LAMB4: variants seen among roughly 807,000 people sequenced by gnomAD.
LAMB4 encodes the protein laminin subunit beta 4.
A neutral mutation model predicts 199.2 loss-of-function variants in LAMB4; 196 were observed. The ratio of observed to expected loss-of-function variants is 0.98; its 90% CI spans 0.88 to 1.11. LAMB4 has a LOEUF of 1.11. Among genes scored for constraint, LAMB4 ranks in the 50% least tolerant of loss-of-function variants. The pLI is 0.00. For synonymous variants in LAMB4, 744 were observed against 770.6 expected (o/e 0.97, Z 0.57); for missense variants, 2,080 against 2,171.2 (o/e 0.96, Z 0.83).
intron 26 of LAMB4, among the ~76,000 whole-genome samples, chr7:108,049,979 C>T (rs764653561): frequency 1.4e-4 from 22 of 152,110 alleles, no homozygotes; most frequent in East Asian, 3.8e-4. Context: ...TTTACTTAAC[C>T]GTATAGAGCA....
At chr7:108,072,860 G>C (rs1335791333) in intron 17 of LAMB4, among the ~76,000 whole-genome samples, 1 of 152,194 alleles carries the variant, frequency 6.6e-6, no homozygotes, top group Non-Finnish European at 1.5e-5. Flanking sequence ...ACCAAGTGGG[G>C]AGAGATGAAA....
intron 12 of LAMB4, 32 bp downstream of exon 12, chr7:108,095,196 A>G (rs753175560): frequency 6.7e-7 from 1 of 1,493,620 alleles, no homozygotes; most frequent in East Asian, 2.3e-5. Context: ...CTGTATCACT[A>G]TAGAAAAGGG....
At chr7:108,092,460 T>C in intron 12 of LAMB4, 44 bp from the exon 13 acceptor site, 1 of 1,476,540 alleles carries the variant, frequency 6.8e-7, no homozygotes, top group Non-Finnish European at 9.5e-7. Context: ...ATGAAGATGC[T>C]GTTGCTCTGA....
downstream of LAMB4, among the ~76,000 whole-genome samples, chr7:108,020,052 G>T (rs149554126): frequency 6.6e-6 from 1 of 152,086 alleles, no homozygotes; most frequent in Non-Finnish European, 1.5e-5. Context: ...GGGTTCAAAC[G>T]TGGGCTCTCT....
intron 11 of LAMB4, among the ~76,000 whole-genome samples, chr7:108,097,384 T>C (rs1449868277): frequency 6.6e-6 from 1 of 152,208 alleles, no homozygotes; most frequent in Non-Finnish European, 1.5e-5. Context: ...TGTTTTTCTA[T>C]TTCCGCTCCC....
At chr7:108,079,335 C>T (rs914422248) in intron 15 of LAMB4, among the ~76,000 whole-genome samples, 1 of 152,182 alleles carries the variant, frequency 6.6e-6, no homozygotes, top group Admixed American at 6.5e-5. Flanking sequence ...TTTTCTTATA[C>T]AAACAGTCAC....
intron 28 of LAMB4, among the ~76,000 whole-genome samples, 191 bp from the exon 29 acceptor site, chr7:108,044,087 T>G (rs1195185487): frequency 6.6e-6 from 1 of 152,234 alleles, no homozygotes; most frequent in Non-Finnish European, 1.5e-5. Context: ...ATTATCATGT[T>G]TTCTTTAATT....
the LAMB4 span, among the ~76,000 whole-genome samples, chr7:108,016,336 T>C: frequency 1.5e-5 from 2 of 135,696 alleles, no homozygotes; most frequent in East Asian, 4.4e-4. Context: ...CAGGCTGGAG[T>C]GGAGTGCTGC....
In LAMB4 at chr7:108,024,153, C is replaced by CA; in HGVS notation, c.5171dup (p.Leu1724PhefsTer5). The stretch of plus-strand genomic sequence containing the variant: ...CAGCTTTTGCTTGTCTACTTAGATT[C>CA]AAATCTTGGATTTTCCTTTCTAAAT... On this transcript the variant is annotated frameshift_variant, in exon 34 of 34. Transcript: ENST00000388781. LOFTEE classifies it high-confidence loss of function. 1 of 1,570,430 alleles carries CA rather than the reference C, an allele frequency of 6.4e-7. No individual in the cohort carries two copies. Among genetic ancestry groups the CA allele is most frequent in the Non-Finnish European group, 8.7e-7 (1 of 1,154,522 alleles).
chr7:108,030,724 G>C, intron 32 of LAMB4, 82 bp downstream of exon 32: 1 of 1,322,198 alleles, frequency 7.6e-7, no homozygotes, highest in South Asian at 1.3e-5. Context: ...ATGAGAAATG[G>C]CACAAAAATC....
chr7:108,043,545 G>GTGTTTTTTTTTTTTTTTTTTTTT (rs2035496985), intron 29 of LAMB4, among the ~76,000 whole-genome samples: 2 of 56,002 alleles, frequency 3.6e-5, no homozygotes, highest in African/African-American at 2.9e-4. Flanking sequence ...TGGCTATGAT[G>GTGTTTTTTTTTTTTTTTTTTTTT]TTTTTTTTTT....
chr7:108,040,658 G>A (rs1450468942), intron 29 of LAMB4, among the ~76,000 whole-genome samples: 1 of 152,128 alleles, frequency 6.6e-6, no homozygotes, highest in South Asian at 2.1e-4. Context: ...CAAGAAATGG[G>A]GAAAAGACTC....
At chr7:108,055,523 A>T in intron 25 of LAMB4, 109 bp downstream of exon 25, 1 of 1,181,164 alleles carries the variant, frequency 8.5e-7, no homozygotes, top group Non-Finnish European at 1.2e-6. Flanking sequence ...TCAGTCCCCT[A>T]AAGTCAACAT....
intron 29 of LAMB4, among the ~76,000 whole-genome samples, chr7:108,042,837 C>G (rs1340869205): frequency 1.3e-5 from 2 of 151,884 alleles, no homozygotes; most frequent in African/African-American, 4.8e-5. Flanking sequence ...AATGGATGCT[C>G]CAATTGCCAA....
the LAMB4 span, among the ~76,000 whole-genome samples, chr7:108,018,091 T>C: frequency 6.6e-6 from 1 of 152,222 alleles, no homozygotes; most frequent in African/African-American, 2.4e-5. Flanking sequence ...AAGAGACTAA[T>C]GAGGATGCTG....
At chr7:108,078,421 C>A in intron 15 of LAMB4, 105 bp from the exon 16 acceptor site, 1 of 683,076 alleles carries the variant, frequency 1.5e-6, no homozygotes, top group Admixed American at 2.5e-5. Context: ...GAATTTGCAA[C>A]CCCTAGGCCA....
intron 33 of LAMB4, chr7:108,026,827 T>C (rs1636952): frequency 2.0e-6 from 1 of 504,398 alleles, no homozygotes; most frequent in South Asian, 1.5e-5. Context: ...GGCACAGCCT[T>C]GTGGTTCCGC....
intron 28 of LAMB4, among the ~76,000 whole-genome samples, chr7:108,046,213 C>T (rs766441805): frequency 2.0e-5 from 3 of 151,110 alleles, no homozygotes; most frequent in East Asian, 3.9e-4. Flanking sequence ...GGATTACAGG[C>T]ATGCACCACC....
At chr7:108,099,752 A>T (rs2037753189) in intron 10 of LAMB4, among the ~76,000 whole-genome samples, 1 of 152,348 alleles carries the variant, frequency 6.6e-6, no homozygotes, top group Middle Eastern at 3.4e-3. Context: ...GTCTAAAACC[A>T]TGTCTATATA....
Sources: gnomAD v4.1 joint callset for allele counts (sites outside exome capture counted in the v4.1 genomes callset) on GRCh38, gnomAD v4.1.1 for gene constraint, MANE v1.5 for transcripts, NCBI Gene and HGNC (gene_info 2026-07-23, HGNC 2026-07-21) for gene names.